Variants in GSTCD observed in about 807,000 individuals in gnomAD.
GSTCD encodes the protein glutathione S-transferase C-terminal domain containing.
GSTCD carries 44 observed loss-of-function variants against 68.3 expected under a neutral mutation model. The ratio of observed to expected loss-of-function variants is 0.64; its 90% CI spans 0.51 to 0.83. The LOEUF (loss-of-function observed/expected upper bound fraction) is 0.83. Among genes scored for constraint, GSTCD ranks in the 40% least tolerant of loss-of-function variants. The pLI is 0.00. For synonymous variants in GSTCD, 273 were observed against 255.2 expected (o/e 1.07, Z -0.67); for missense variants, 739 against 735.9 (o/e 1.00, Z -0.05).
intron 1 of GSTCD, among the ~76,000 whole-genome samples, chr4:105,716,305 T>C (rs1732679520): frequency 6.6e-6 from 1 of 152,132 alleles, no homozygotes; most frequent in Non-Finnish European, 1.5e-5. Context: ...AGGATCTCAG[T>C]AAGAAGTTGC....
intron 5 of GSTCD, chr4:105,820,560 G>A (rs920626372): frequency 2.0e-5 from 3 of 151,748 alleles, no homozygotes; most frequent in African/African-American, 7.2e-5. Flanking sequence ...ATATATTTGA[G>A]ATCCTGCTCA....
At chr4:105,771,402 G>C (rs1051376250) in intron 5 of GSTCD, among the ~76,000 whole-genome samples, 18 of 151,992 alleles carry the variant, frequency 1.2e-4, no homozygotes, top group African/African-American at 4.3e-4. Context: ...TTTTGGCTTT[G>C]GTTGCCATTG....
At position 105,816,060 on chromosome 4, in the gene GSTCD, T is replaced by G. The variant is rs376186970; in HGVS notation, c.1241-6894T>G. Reference sequence around the variant, plus strand: ...AATAAGAAGGTTTTACAATTTCCATTATTCACTGTATGTAAGCTCTTCTAT... The same window carrying G: ...AATAAGAAGGTTTTACAATTTCCATGATTCACTGTATGTAAGCTCTTCTAT... On this transcript the variant is annotated intron_variant, in intron 5 of 11. Coordinates refer to ENST00000515279, the MANE Select transcript of GSTCD (RefSeq NM_001370181.1). Among the ~76,000 whole-genome samples the G allele has an allele frequency of 2.6e-5, 4 of 152,278 alleles. No homozygotes were observed. The South Asian group carries it at 8.3e-4, about 32-fold the overall frequency.
At chr4:105,714,719 G>A (rs1016386889) in intron 1 of GSTCD, among the ~76,000 whole-genome samples, 35 of 151,004 alleles carry the variant, frequency 2.3e-4, no homozygotes, top group Middle Eastern at 3.2e-3. Flanking sequence ...AAAAAAATAC[G>A]TTAAGAATCA....
rs1724511982 is a variant in GSTCD, at chr4:105,845,467, C to G, written c.1792C>G (p.Leu598Val). The G allele has an allele frequency of 6.2e-7, 1 of 1,613,976 alleles. No individual in the cohort carries two copies. Among genetic ancestry groups the G allele is most frequent in the Non-Finnish European group, 8.5e-7 (1 of 1,179,992 alleles). ...IGKQCMCLVD[L>V]DRARAAEECG... ...AAAACAGTGCATGTGCTTGGTGGAT[C>G]TGGATCGAGCAAGAGCTGCAGAAGA... The change falls in exon 12 of 12, where the codon CTG (leucine) becomes GTG (valine). Residue 598 changes from leucine (L) to valine (V), a missense_variant. Leu to Val is a conservative substitution (Grantham distance 32). Coordinates refer to ENST00000515279, the MANE Select transcript of GSTCD (RefSeq NM_001370181.1).
chr4:105,834,950 G>A lies in GSTCD; in HGVS notation c.1664+356G>A, dbSNP rs74809361. 8.4e-3 allele frequency among the ~76,000 whole-genome samples: 1,277 copies of A among 152,304 alleles called. 22 individuals are homozygous for A. The highest frequency in any genetic ancestry group is 0.029 in the African/African-American group (1,213 of 41,574). On this transcript the variant is annotated intron_variant, in intron 9 of 11. Transcript: ENST00000515279. ...ATAGTAAAGTGTTTAGGACCTGGAA[G>A]TATAGTGCCTGGGGGAAAATACTAG...
Position 105,729,448 on chromosome 4 carries a change from A to C in GSTCD, c.1189A>C (p.Thr397Pro). The C allele has an allele frequency of 1.2e-6, 2 of 1,612,218 alleles. No homozygotes were observed. The highest frequency in any genetic ancestry group is 2.7e-5 in the African/African-American group (2 of 74,992). The change falls in exon 5 of 12, where the codon ACT becomes CCT. Residue 397 changes from threonine to proline, a missense_variant. Physicochemically the swap from Thr to Pro is conservative, Grantham distance 38 (BLOSUM62 -1). Transcript: ENST00000515279. ...GATGTTTTCTCCCCACCCTTGCCCT[A>C]CTTGGACTCTTGATTGGAATGTTCT... ...EVMFSPHPCP[T>P]WTLDWNVLPA...
chr4:105,721,754 A>G (rs73839010), intron 3 of GSTCD, among the ~76,000 whole-genome samples: 10,115 of 152,186 alleles, frequency 0.066, 342 homozygotes, highest in Middle Eastern at 0.11. Context: ...TTACTTTACA[A>G]AGTTAACCCC....
At chr4:105,830,769 A>G (rs1336320969) in intron 8 of GSTCD, among the ~76,000 whole-genome samples, 1 of 152,102 alleles carries the variant, frequency 6.6e-6, no homozygotes, top group African/African-American at 2.4e-5. Flanking sequence ...GTAGGGAACA[A>G]CTTGGATGTT....
chr4:105,732,005 G>C (rs1273067007), intron 5 of GSTCD, among the ~76,000 whole-genome samples: 4 of 152,120 alleles, frequency 2.6e-5, no homozygotes, highest in Non-Finnish European at 5.9e-5. Flanking sequence ...TTATTGATTT[G>C]CATATGTTGA....
intron 5 of GSTCD, among the ~76,000 whole-genome samples, chr4:105,752,583 GT>G (rs893396549): frequency 3.3e-5 from 5 of 151,882 alleles, no homozygotes; most frequent in African/African-American, 7.2e-5. Context: ...AATTGTCTGG[GT>G]TTTTTTGTGT....
intron 5 of GSTCD, chr4:105,761,889 C>G (rs1471418877): frequency 4.6e-5 from 7 of 152,214 alleles, no homozygotes; most frequent in Non-Finnish European, 8.8e-5. Flanking sequence ...AATTCTATTT[C>G]TAGAGCTGCT....
intron 8 of GSTCD, among the ~76,000 whole-genome samples, chr4:105,827,494 G>A (rs1483415775): frequency 6.6e-6 from 1 of 152,028 alleles, no homozygotes; most frequent in Admixed American, 6.6e-5. Context: ...ATAGAAAATG[G>A]ATTAAAATTG....
chr4:105,714,404 C>T (rs1001038860), intron 1 of GSTCD, among the ~76,000 whole-genome samples: 2 of 151,220 alleles, frequency 1.3e-5, no homozygotes, highest in South Asian at 2.1e-4. Flanking sequence ...TCTTAAAGCT[C>T]GTGACAGAAA....
intron 5 of GSTCD, among the ~76,000 whole-genome samples, chr4:105,799,868 A>T (rs1736039320): frequency 6.6e-6 from 1 of 152,126 alleles, no homozygotes; most frequent in Non-Finnish European, 1.5e-5. Context: ...TCTAAAGCAC[A>T]ATAAGAAAGA....
chr4:105,732,770 T>C lies in GSTCD; in HGVS notation c.1240+3271T>C, dbSNP rs181979996. Among the ~76,000 whole-genome samples, 647 of 152,330 alleles carry C rather than the reference T, an allele frequency of 4.2e-3. 2 individuals carry two copies. The highest frequency in any genetic ancestry group is 0.024 in the Middle Eastern group (7 of 294). On this transcript the variant is annotated intron_variant, in intron 5 of 11. Coordinates refer to ENST00000515279, the MANE Select transcript of GSTCD (RefSeq NM_001370181.1). ...TTTGCTCTTGCTTCTCTAGTTCTTT[T>C]AATTGTGATGTTAGGATGTCAATTT...
chr4:105,791,808 CTA>C (rs1010385904), intron 5 of GSTCD, among the ~76,000 whole-genome samples: 5 of 151,944 alleles, frequency 3.3e-5, no homozygotes, highest in African/African-American at 9.7e-5. Context: ...ATAGAAGAAT[CTA>C]TATGTCAGAG....
intron 5 of GSTCD, among the ~76,000 whole-genome samples, chr4:105,741,310 T>C (rs534669182): frequency 6.6e-6 from 1 of 152,180 alleles, no homozygotes; most frequent in Non-Finnish European, 1.5e-5. Flanking sequence ...GAATTTTTGG[T>C]GTTTTATTAA....
At chr4:105,785,803 GA>G (rs1735442589) in intron 5 of GSTCD, among the ~76,000 whole-genome samples, 1 of 152,094 alleles carries the variant, frequency 6.6e-6, no homozygotes. Context: ...AAAGAGAAGG[GA>G]GAAAACTATC....
Sources: gnomAD v4.1 joint callset for allele counts (sites outside exome capture counted in the v4.1 genomes callset) on GRCh38, gnomAD v4.1.1 for gene constraint, MANE v1.5 for transcripts, NCBI Gene and HGNC (gene_info 2026-07-23, HGNC 2026-07-21) for gene names.